Variants in FABP12 observed in about 807,000 individuals in gnomAD.
FABP12 encodes fatty acid binding protein 12.
Under a neutral mutation model 13.7 loss-of-function variants are expected in FABP12, and 19 were observed. That is an observed-to-expected ratio of 1.39 (90% CI 0.97 to 2.04). The LOEUF is 2.04. Ranked by LOEUF, FABP12 falls within the 30% of genes most tolerant of loss-of-function variation. The pLI is 0.00. For synonymous variants in FABP12, 61 were observed against 57.0 expected, an observed-to-expected ratio of 1.07 and a Z score of -0.32; for missense variants, 182 against 164.2, an observed-to-expected ratio of 1.11 and a Z score of -0.59.
At chr8:81,528,382 C>G (rs552027269) in intron 3 of FABP12, among the ~76,000 whole-genome samples, 2 of 152,216 alleles carry the variant, frequency 1.3e-5, no homozygotes, top group South Asian at 4.1e-4. Context: ...CCCAACCTAG[C>G]TTTTTTATTC....
At chr8:81,562,932 G>A (rs182792406) in intron 1 of FABP12, among the ~76,000 whole-genome samples, 1 of 152,326 alleles carries the variant, frequency 6.6e-6, no homozygotes, top group East Asian at 1.9e-4. Context: ...TTGAGCAAAT[G>A]TAAGTGGTAG....
intron 2 of FABP12, 110 bp from the exon 3 acceptor site, chr8:81,529,720 C>T: frequency 1.0e-6 from 1 of 993,192 alleles, no homozygotes; most frequent in Non-Finnish European, 1.5e-6. Context: ...TCAACATTAT[C>T]TGTATAATTC....
chr8:81,585,489 T>C (rs1252919690), intron 1 of FABP12, among the ~76,000 whole-genome samples: 1 of 152,202 alleles, frequency 6.6e-6, no homozygotes, highest in East Asian at 1.9e-4. Flanking sequence ...TATAGATTTA[T>C]GTTAAAATTT....
intron 1 of FABP12, among the ~76,000 whole-genome samples, chr8:81,558,909 A>T (rs928439711): frequency 1.3e-5 from 2 of 150,530 alleles, no homozygotes; most frequent in African/African-American, 4.9e-5. Context: ...AAAAAAAAAA[A>T]AAGAAGTTGG....
exon 5 of FABP12, chr8:81,525,060 C>G: frequency 1.3e-6 from 2 of 1,597,364 alleles, no homozygotes; most frequent in Non-Finnish European, 1.7e-6. Flanking sequence ...GAGTTTGAGA[C>G]TGAGTTTGAT....
intron 1 of FABP12, among the ~76,000 whole-genome samples, chr8:81,555,758 T>C (rs1480659941): frequency 3.3e-5 from 5 of 152,186 alleles, no homozygotes; most frequent in Non-Finnish European, 5.9e-5. Context: ...GCATTCTTAA[T>C]AAAAAATTTT....
chr8:81,567,980 G>A (rs897145507), intron 1 of FABP12, among the ~76,000 whole-genome samples: 20 of 152,054 alleles, frequency 1.3e-4, no homozygotes, highest in Non-Finnish European at 2.9e-4. Flanking sequence ...AAAATTAGCC[G>A]GGCGCGGTGG....
intron 1 of FABP12, among the ~76,000 whole-genome samples, chr8:81,580,634 G>A (rs757343081): frequency 5.3e-5 from 8 of 152,134 alleles, no homozygotes; most frequent in Non-Finnish European, 1.2e-4. Flanking sequence ...GACAAAGCAT[G>A]TACTTTCTGC....
At chr8:81,553,399 G>T (rs957524711) in intron 1 of FABP12, among the ~76,000 whole-genome samples, 1 of 152,090 alleles carries the variant, frequency 6.6e-6, no homozygotes, top group South Asian at 2.1e-4. Context: ...CAGTGCTATT[G>T]TATCAATTTA....
At chr8:81,557,556 A>G (rs1303096140) in intron 1 of FABP12, among the ~76,000 whole-genome samples, 3 of 152,192 alleles carry the variant, frequency 2.0e-5, no homozygotes, top group Non-Finnish European at 4.4e-5. Context: ...GTTAATCTGA[A>G]CACCACAGCA....
intron 1 of FABP12, among the ~76,000 whole-genome samples, chr8:81,579,423 A>C (rs1352113834): frequency 6.6e-6 from 1 of 152,224 alleles, no homozygotes; most frequent in African/African-American, 2.4e-5. Flanking sequence ...AGTTTCAAAT[A>C]AAAATATGTA....
intron 1 of FABP12, among the ~76,000 whole-genome samples, chr8:81,571,740 T>A (rs1006394664): frequency 9.2e-5 from 14 of 152,110 alleles, no homozygotes; most frequent in African/African-American, 3.1e-4. Flanking sequence ...AATGTTGGGG[T>A]CATTTAAAGC....
intron 1 of FABP12, among the ~76,000 whole-genome samples, chr8:81,582,747 A>T (rs1810185792): frequency 6.6e-6 from 1 of 152,224 alleles, no homozygotes; most frequent in Non-Finnish European, 1.5e-5. Flanking sequence ...AGACTGTAAT[A>T]CAGTAATAGT....
At chr8:81,531,772 T>C (rs907530823) in intron 1 of FABP12, among the ~76,000 whole-genome samples, 1 of 152,176 alleles carries the variant, frequency 6.6e-6, no homozygotes, top group Non-Finnish European at 1.5e-5. Flanking sequence ...TCATTCTCAT[T>C]CTTGATAGTT....
chr8:81,525,673 G>T (rs956573760), intron 4 of FABP12, among the ~76,000 whole-genome samples: 1 of 152,078 alleles, frequency 6.6e-6, no homozygotes, highest in Non-Finnish European at 1.5e-5. Flanking sequence ...GGTATATTTC[G>T]GGTATATATA....
chr8:81,582,956 C>A (rs1810189010), intron 1 of FABP12, among the ~76,000 whole-genome samples: 2 of 152,094 alleles, frequency 1.3e-5, no homozygotes, highest in African/African-American at 4.8e-5. Context: ...TGTTAGGACA[C>A]AAAACAAGTC....
chr8:81,550,919 T>C (rs1016668919), intron 1 of FABP12, among the ~76,000 whole-genome samples: 2 of 152,172 alleles, frequency 1.3e-5, no homozygotes, highest in African/African-American at 4.8e-5. Flanking sequence ...AGAGGTTACT[T>C]TTCTTATTTG....
intron 1 of FABP12, among the ~76,000 whole-genome samples, chr8:81,574,542 T>C (rs1335503494): frequency 6.6e-6 from 1 of 152,172 alleles, no homozygotes; most frequent in African/African-American, 2.4e-5. Context: ...AATTCTTCTT[T>C]GAATGTCTGG....
At chr8:81,564,502 T>C (rs1264645690) in intron 1 of FABP12, among the ~76,000 whole-genome samples, 3 of 151,872 alleles carry the variant, frequency 2.0e-5, no homozygotes, top group Admixed American at 1.3e-4. Flanking sequence ...GACAATACAA[T>C]AAGATACAAA....
Sources: allele counts gnomAD v4.1 joint callset (sites outside exome capture counted in the v4.1 genomes callset), GRCh38; gene constraint gnomAD v4.1.1; transcripts MANE v1.5; gene names NCBI Gene and HGNC (gene_info 2026-07-23, HGNC 2026-07-21).